Variants in HCN2 observed in about 807,000 individuals in gnomAD.
HCN2 encodes the protein potassium/sodium hyperpolarization-activated cyclic nucleotide-gated channel 2.
HCN2 carries 20 observed loss-of-function variants against 52.3 expected under a neutral mutation model. The ratio of observed to expected loss-of-function variants is 0.38; its 90% CI spans 0.27 to 0.56. HCN2 has a LOEUF of 0.56. HCN2 is among the 20% of genes least tolerant of loss of function. HCN2 has a pLI of 0.71. For synonymous variants in HCN2, 694 were observed against 537.0 expected, an observed-to-expected ratio of 1.29 and a Z score of -4.04; for missense variants, 981 against 1,207.7, an observed-to-expected ratio of 0.81 and a Z score of 2.78.
chr19:609,041 G>T (rs1983517491), intron 4 of HCN2, among the ~76,000 whole-genome samples: 1 of 152,310 alleles, frequency 6.6e-6, no homozygotes, highest in South Asian at 2.1e-4. Flanking sequence ...GGCTGGTCCT[G>T]GCTGGGAGCC....
intron 4 of HCN2, 29 bp downstream of exon 4, chr19:608,211 TTC>T (rs767615125): frequency 2.5e-6 from 4 of 1,591,746 alleles, no homozygotes; most frequent in Non-Finnish European, 3.4e-6. Flanking sequence ...CCGGCCTGGG[TTC>T]TGATGGGGGA....
intron 5 of HCN2, among the ~76,000 whole-genome samples, chr19:612,308 A>C (rs1983670475): frequency 1.3e-5 from 2 of 152,044 alleles, no homozygotes; most frequent in African/African-American, 4.8e-5. Flanking sequence ...GACTTCCCAC[A>C]CCATTGATTC....
chr19:596,712 T>TG (rs1221464113), intron 1 of HCN2, among the ~76,000 whole-genome samples: 1 of 151,958 alleles, frequency 6.6e-6, no homozygotes, highest in African/African-American at 2.4e-5. Context: ...GGTGGCCGGA[T>TG]GGGGAAAGGG....
chr19:612,097 AT>A (rs1364608450), intron 5 of HCN2, among the ~76,000 whole-genome samples: 5 of 151,946 alleles, frequency 3.3e-5, no homozygotes, highest in Non-Finnish European at 7.4e-5. Flanking sequence ...GTGAGCCGAG[AT>A]TGTGCCACTG....
At chr19:611,895 C>T (rs990298303) in intron 5 of HCN2, among the ~76,000 whole-genome samples, 9 of 152,270 alleles carry the variant, frequency 5.9e-5, no homozygotes, top group Admixed American at 1.3e-4. Context: ...CCTGTAATCC[C>T]AGCACTTTCA....
At position 615,779 on chromosome 19, in the gene HCN2, G is replaced by C. The variant is rs542652851; in HGVS notation, c.1991-16G>C. The C allele has an allele frequency of 6.4e-5, 103 of 1,609,976 alleles. 2 individuals are homozygous for C. In the South Asian group the frequency reaches 1.1e-3, roughly 17 times the overall value. ...AGGCGCTCCCTGTGCACACGCTAAC[G>C]CCCCCTCTCCCGCAGGCAAGAAGAA... On this transcript the variant is annotated splice_polypyrimidine_tract_variant and intron_variant, in intron 7 of 7. Transcript: ENST00000251287.
chr19:614,038 C>G (rs772453130), intron 7 of HCN2, 22 bp downstream of exon 7: 2 of 1,535,184 alleles, frequency 1.3e-6, no homozygotes, highest in Non-Finnish European at 1.8e-6. Flanking sequence ...GGGGGCGTGG[C>G]CGGGGCGGGT....
At chr19:597,233 C>A (rs1363180025) in intron 1 of HCN2, among the ~76,000 whole-genome samples, 1 of 152,178 alleles carries the variant, frequency 6.6e-6, no homozygotes, top group Non-Finnish European at 1.5e-5. Flanking sequence ...TTTCTGGGGA[C>A]ACAGGAGCAG....
At chr19:609,413 C>T (rs1293009017) in intron 4 of HCN2, among the ~76,000 whole-genome samples, 1 of 152,210 alleles carries the variant, frequency 6.6e-6, no homozygotes, top group Non-Finnish European at 1.5e-5. Context: ...GTACCTGGGG[C>T]CTCTCCTCGT....
At chr19:599,518 G>T (rs941615848) in intron 1 of HCN2, among the ~76,000 whole-genome samples, 2 of 152,012 alleles carry the variant, frequency 1.3e-5, no homozygotes, top group Non-Finnish European at 2.9e-5. Flanking sequence ...GGTGGCTCAC[G>T]CCTGTAATCC....
intron 3 of HCN2, 44 bp from the exon 4 acceptor site, chr19:607,920 G>C (rs746156381): frequency 6.6e-7 from 1 of 1,505,038 alleles, no homozygotes. Context: ...GGCTCCTGGG[G>C]CGTGAGCACC....
chr19:597,073 G>A (rs571196705), intron 1 of HCN2, among the ~76,000 whole-genome samples: 11 of 152,316 alleles, frequency 7.2e-5, no homozygotes, highest in Middle Eastern at 3.4e-3. Flanking sequence ...AGCCCTGCTT[G>A]GAGGCATTGT....
intron 7 of HCN2, among the ~76,000 whole-genome samples, chr19:615,536 C>T (rs534600425): frequency 5.3e-5 from 8 of 152,202 alleles, no homozygotes; most frequent in African/African-American, 1.7e-4. Flanking sequence ...AAACAAAAGC[C>T]CTGCTTTCTG....
rs115722969 is a variant in HCN2, at chr19:601,531, C to T, written c.633-2013C>T. On this transcript the variant is annotated intron_variant, in intron 1 of 7. Transcript: ENST00000251287. The stretch of plus-strand genomic sequence containing the variant: ...GCTGGTGTGAACACAGCGGAGTGGT[C>T]GTCGTCCGCAGTCGAGCTGGTGTGA... 6.9e-3 allele frequency among the ~76,000 whole-genome samples: 1,044 copies of T among 151,396 alleles called. 9 individuals carry two copies. The highest frequency in any genetic ancestry group is 0.024 in the African/African-American group (1,009 of 41,328).
chr19:611,444 C>T (rs1419947175), intron 5 of HCN2, among the ~76,000 whole-genome samples: 9 of 152,048 alleles, frequency 5.9e-5, no homozygotes, highest in African/African-American at 1.4e-4. Flanking sequence ...GCAGAGGCCC[C>T]GAGGAGGGGC....
chr19:590,556 TC>T lies in HCN2; in HGVS notation c.613del (p.His205ThrfsTer57). ...GTCAAGTCGGCGGGGGCCTGGATCA[TC>T]CACCCGTACAGCGACTTCAGGTACC... is the stretch of plus-strand genomic sequence containing the variant. ...ERVKSAGAWI[I>X]HPYSDFRFYW... On this transcript the variant is annotated frameshift_variant, in exon 1 of 8. Transcript: ENST00000251287. LOFTEE classifies it high-confidence loss of function. The surrounding 1 kb of genome is among the most constrained non-coding windows in gnomAD (Gnocchi z 7.2). 1 of 1,494,734 alleles carries T rather than the reference TC, an allele frequency of 6.7e-7. No individual in the cohort carries two copies. Among genetic ancestry groups the T allele is most frequent in the Non-Finnish European group, 9.0e-7 (1 of 1,113,468 alleles). 92.6% of individuals were successfully genotyped at this position (1,494,734 alleles called of 1,614,324 possible). A position where few individuals can be genotyped will look rare whatever the true frequency, so the allele number is the denominator to read the frequency against.
intron 5 of HCN2, among the ~76,000 whole-genome samples, chr19:612,153 A>T (rs1568367701): frequency 6.6e-6 from 1 of 151,998 alleles, no homozygotes; most frequent in African/African-American, 2.4e-5. Flanking sequence ...TCAAAAAAAA[A>T]AAAAGTACCA....
intron 3 of HCN2, among the ~76,000 whole-genome samples, chr19:607,032 C>T (rs1021971677): frequency 3.3e-5 from 5 of 151,662 alleles, no homozygotes; most frequent in Non-Finnish European, 5.9e-5. Flanking sequence ...ACTAGCTTGG[C>T]GTGGTGGCGC....
At chr19:604,946 T>G in intron 2 of HCN2, 115 bp from the exon 3 acceptor site, 1 of 1,058,582 alleles carries the variant, frequency 9.4e-7, no homozygotes, top group Non-Finnish European at 1.3e-6. Context: ...GTGCGGGGCC[T>G]TGGATTTGGG....
Sources: allele counts gnomAD v4.1 joint callset (sites outside exome capture counted in the v4.1 genomes callset), GRCh38; gene constraint gnomAD v4.1.1; non-coding constraint Gnocchi (gnomAD v3.1); transcripts MANE v1.5; gene names NCBI Gene and HGNC (gene_info 2026-07-23, HGNC 2026-07-21).